GRIN2A: variants seen among roughly 807,000 people sequenced by gnomAD.
GRIN2A encodes the protein glutamate receptor ionotropic, NMDA 2A.
GRIN2A carries 22 observed loss-of-function variants against 113.4 expected under a neutral mutation model. That is an observed-to-expected ratio of 0.19 (90% CI 0.14 to 0.28). The LOEUF is 0.28. Ranked by LOEUF, GRIN2A falls within the 10% of genes least tolerant of loss-of-function variation. GRIN2A has a pLI of 1.00. For synonymous variants in GRIN2A, 827 were observed against 738.4 expected, an observed-to-expected ratio of 1.12 and a Z score of -1.94; for missense variants, 1,502 against 1,887.0, an observed-to-expected ratio of 0.80 and a Z score of 3.78.
chr16:9,981,040 A>G (rs1455428803), intron 2 of GRIN2A, among the ~76,000 whole-genome samples: 28 of 151,724 alleles, frequency 1.8e-4, no homozygotes, highest in Admixed American at 1.7e-3. Flanking sequence ...TAGGAAAAAA[A>G]AAAGAGAGAG....
chr16:9,974,309 T>C (rs1054649550), intron 2 of GRIN2A, among the ~76,000 whole-genome samples: 3 of 152,148 alleles, frequency 2.0e-5, no homozygotes, highest in Non-Finnish European at 4.4e-5. Flanking sequence ...CTGCCTGACC[T>C]AAGCCTGGTA....
chr16:10,099,670 G>C (rs1034898805), intron 2 of GRIN2A, among the ~76,000 whole-genome samples: 2 of 152,144 alleles, frequency 1.3e-5, no homozygotes, highest in African/African-American at 4.8e-5. Context: ...TTGTTTACTG[G>C]AGTCAGAAAC....
chr16:9,875,344 T>C (rs972355965), intron 4 of GRIN2A, among the ~76,000 whole-genome samples: 41 of 152,220 alleles, frequency 2.7e-4, no homozygotes, highest in African/African-American at 8.4e-4. Context: ...ATATGCAACC[T>C]CTTTTTATCT....
intron 2 of GRIN2A, among the ~76,000 whole-genome samples, chr16:10,166,916 C>T (rs1336485989): frequency 6.6e-6 from 1 of 152,046 alleles, no homozygotes; most frequent in Non-Finnish European, 1.5e-5. Flanking sequence ...TACGATTTTC[C>T]TTATGATCTT....
At chr16:9,874,523 G>A (rs1017241373) in intron 4 of GRIN2A, among the ~76,000 whole-genome samples, 1 of 152,146 alleles carries the variant, frequency 6.6e-6, no homozygotes, top group African/African-American at 2.4e-5. Flanking sequence ...CACTGTGCAG[G>A]GATGGGGGGA....
At chr16:10,031,813 G>T (rs1032271314) in intron 2 of GRIN2A, among the ~76,000 whole-genome samples, 2 of 152,194 alleles carry the variant, frequency 1.3e-5, no homozygotes, top group Non-Finnish European at 2.9e-5. Context: ...GTTCTGCTCT[G>T]ACCTCCTTCA....
At chr16:10,122,796 C>T (rs1169162912) in intron 2 of GRIN2A, among the ~76,000 whole-genome samples, 1 of 152,074 alleles carries the variant, frequency 6.6e-6, no homozygotes, top group African/African-American at 2.4e-5. Context: ...CAAAATGAGG[C>T]GACTCGGAAA....
intron 2 of GRIN2A, among the ~76,000 whole-genome samples, chr16:9,995,521 G>T (rs1026125495): frequency 6.6e-6 from 1 of 152,188 alleles, no homozygotes; most frequent in African/African-American, 2.4e-5. Context: ...TCAGGCTACA[G>T]TAACACAACT....
chr16:9,773,848 A>C (rs1392064924), intron 11 of GRIN2A, among the ~76,000 whole-genome samples: 1 of 152,208 alleles, frequency 6.6e-6, no homozygotes, highest in Non-Finnish European at 1.5e-5. Context: ...TAGAAGGAGC[A>C]AGGTGTCAAG....
In GRIN2A at chr16:9,973,031, G is replaced by A. The variant is rs532321380; in HGVS notation, c.415-34480C>T. 1.4e-4 allele frequency among the ~76,000 whole-genome samples: 22 copies of A among 152,280 alleles called. No individual in the cohort carries two copies. In the East Asian group the frequency reaches 1.7e-3, roughly 12 times the overall value. ...AAAATTGTCCTCCTGCTGTGAGTCC[G>A]TTCCTGGGTGGGGGCCACAAGGCCA... is the stretch of plus-strand genomic sequence containing the variant. On this transcript the variant is annotated intron_variant, in intron 2 of 12. Coordinates refer to ENST00000330684, the MANE Select transcript of GRIN2A (RefSeq NM_001134407.3).
chr16:10,075,951 C>G (rs186402572), intron 2 of GRIN2A, among the ~76,000 whole-genome samples: 98 of 152,284 alleles, frequency 6.4e-4, no homozygotes, highest in Middle Eastern at 3.4e-3. Context: ...ATTCCCTTAG[C>G]CACTATGCTT....
chr16:9,926,407 G>GCTTT (rs1297691403), intron 3 of GRIN2A, among the ~76,000 whole-genome samples: 4 of 152,160 alleles, frequency 2.6e-5, no homozygotes, highest in Non-Finnish European at 5.9e-5. Context: ...TCCCAGCAGT[G>GCTTT]CTTTATATGA....
intron 11 of GRIN2A, among the ~76,000 whole-genome samples, chr16:9,787,127 C>T (rs185989685): frequency 7.9e-5 from 12 of 152,248 alleles, no homozygotes; most frequent in Admixed American, 7.8e-4. Flanking sequence ...AAAAATGCAT[C>T]TTATATATAT....
At chr16:10,092,359 C>T (rs1190096630) in intron 2 of GRIN2A, among the ~76,000 whole-genome samples, 2 of 152,146 alleles carry the variant, frequency 1.3e-5, no homozygotes, top group South Asian at 2.1e-4. Flanking sequence ...AGCAGACATG[C>T]AATGTTGTGT....
chr16:9,835,341 A>C (rs946694823), intron 7 of GRIN2A, among the ~76,000 whole-genome samples: 2 of 152,226 alleles, frequency 1.3e-5, no homozygotes, highest in Non-Finnish European at 2.9e-5. Context: ...TAACTTAGGC[A>C]GTAGGTGGAT....
intron 10 of GRIN2A, among the ~76,000 whole-genome samples, chr16:9,819,252 A>T (rs755532343): frequency 6.6e-6 from 1 of 152,082 alleles, no homozygotes; most frequent in Non-Finnish European, 1.5e-5. Context: ...GGGCATAGTG[A>T]CTCACTCCTG....
chr16:9,876,327 C>T (rs2043364999), intron 4 of GRIN2A, among the ~76,000 whole-genome samples: 1 of 152,116 alleles, frequency 6.6e-6, no homozygotes. Flanking sequence ...AATGCTAAAC[C>T]ATCACAGCTA....
At chr16:9,928,160 C>T (rs901460597) in intron 3 of GRIN2A, among the ~76,000 whole-genome samples, 12 of 152,272 alleles carry the variant, frequency 7.9e-5, no homozygotes, top group South Asian at 4.1e-4. Context: ...GGAACCTGGA[C>T]GGGGGCTCAT....
At chr16:9,964,988 C>A (rs1298071599) in intron 2 of GRIN2A, among the ~76,000 whole-genome samples, 3 of 152,092 alleles carry the variant, frequency 2.0e-5, no homozygotes, top group Non-Finnish European at 4.4e-5. Context: ...AAATGTGATT[C>A]AAGAGTATGA....
Sources: gnomAD v4.1 joint callset for allele counts (sites outside exome capture counted in the v4.1 genomes callset) on GRCh38, gnomAD v4.1.1 for gene constraint, MANE v1.5 for transcripts, NCBI Gene and HGNC (gene_info 2026-07-23, HGNC 2026-07-21) for gene names.